The following IGSF5 variants were observed in gnomAD, a reference collection of about 807,000 sequenced individuals.
IGSF5 encodes the protein immunoglobulin superfamily 5 like.
In IGSF5, 41 loss-of-function variants were observed where a neutral mutation model predicts 39.4. That is an observed-to-expected ratio of 1.04 (90% CI 0.81 to 1.35). The LOEUF is 1.35. IGSF5 is among the 40% of genes most tolerant of loss of function. IGSF5 has a pLI of 0.00. For synonymous variants in IGSF5, 183 were observed against 175.3 expected (o/e 1.04, Z -0.34); for missense variants, 487 against 494.6 (o/e 0.98, Z 0.15).
chr21:39,718,031 T>G, the IGSF5 span, among the ~76,000 whole-genome samples: 8 of 152,156 alleles, frequency 5.3e-5, no homozygotes, highest in African/African-American at 1.4e-4. Context: ...AGTAATTCTT[T>G]TATAATTCTC....
chr21:39,722,414 A>G, the IGSF5 span: 4 of 152,152 alleles, frequency 2.6e-5, no homozygotes, highest in Admixed American at 1.3e-4. Context: ...ATATGAGCAG[A>G]AATATTATGG....
chr21:39,754,594 G>A (rs2146273228), intron 2 of IGSF5, among the ~76,000 whole-genome samples: 1 of 152,246 alleles, frequency 6.6e-6, no homozygotes, highest in South Asian at 2.1e-4. Context: ...CCTCTCGTCA[G>A]GACAGGGAGG....
chr21:39,717,135 G>A, the IGSF5 span, among the ~76,000 whole-genome samples: 4 of 151,936 alleles, frequency 2.6e-5, no homozygotes, highest in Admixed American at 6.6e-5. Flanking sequence ...CTTCTTGGAC[G>A]CATGTATGTC....
At chr21:39,749,066 T>C (rs1177312779) in intron 2 of IGSF5, among the ~76,000 whole-genome samples, 1 of 152,170 alleles carries the variant, frequency 6.6e-6, no homozygotes, top group Non-Finnish European at 1.5e-5. Flanking sequence ...GCCTTATGCA[T>C]ATGGGAGCCA....
chr21:39,715,062 GTTCT>G, the IGSF5 span, among the ~76,000 whole-genome samples: 9 of 148,608 alleles, frequency 6.1e-5, no homozygotes, highest in East Asian at 3.9e-4. Flanking sequence ...TCTTTCTTTC[GTTCT>G]TTCTTTCTTT....
the IGSF5 span, among the ~76,000 whole-genome samples, chr21:39,721,842 C>T: frequency 6.6e-6 from 1 of 152,126 alleles, no homozygotes; most frequent in Admixed American, 6.6e-5. Flanking sequence ...ACACTGTTCT[C>T]CTGTACTATA....
At chr21:39,787,853 C>A (rs939054057) in intron 5 of IGSF5, among the ~76,000 whole-genome samples, 2 of 152,096 alleles carry the variant, frequency 1.3e-5, no homozygotes, top group African/African-American at 4.8e-5. Flanking sequence ...TCTGTATAGT[C>A]TCACTCATCA....
At chr21:39,773,364 A>C (rs2080124209) in intron 4 of IGSF5, among the ~76,000 whole-genome samples, 1 of 152,152 alleles carries the variant, frequency 6.6e-6, no homozygotes, top group Non-Finnish European at 1.5e-5. Context: ...TGCCTGAATC[A>C]ATTACTTCTA....
At chr21:39,788,697 C>A (rs1474374971) in intron 6 of IGSF5, among the ~76,000 whole-genome samples, 1 of 152,174 alleles carries the variant, frequency 6.6e-6, no homozygotes, top group Non-Finnish European at 1.5e-5. Context: ...TCCTTTCATT[C>A]CCAGGCTGCC....
At chr21:39,784,919 G>C (rs943645979) in intron 5 of IGSF5, among the ~76,000 whole-genome samples, 1 of 151,770 alleles carries the variant, frequency 6.6e-6, no homozygotes, top group Non-Finnish European at 1.5e-5. Flanking sequence ...TGCTCAGCCT[G>C]GCCTGGGGGC....
intron 8 of IGSF5, among the ~76,000 whole-genome samples, chr21:39,796,330 T>TAGCCCTGC (rs1288140995): frequency 6.6e-6 from 1 of 152,300 alleles, no homozygotes; most frequent in South Asian, 2.1e-4. Flanking sequence ...CCAGGCCCCG[T>TAGCCCTGC]AGCCCTGCAG....
intron 2 of IGSF5, among the ~76,000 whole-genome samples, chr21:39,747,426 C>A (rs2079980716): frequency 9.0e-6 from 1 of 111,382 alleles, no homozygotes; most frequent in Non-Finnish European, 1.9e-5. Context: ...CAAACCATAT[C>A]ACCTGGCCAC....
Position 39,765,805 on chromosome 21 carries a change from G to T in IGSF5, c.371G>T (p.Ser124Ile). The T allele has an allele frequency of 1.2e-6, 2 of 1,614,092 alleles. No homozygotes were observed. The highest frequency in any genetic ancestry group is 1.1e-5 in the South Asian group (1 of 91,064). Residue 124 changes from serine (S) to isoleucine (I), a missense_variant, in exon 3 of 9, where the codon AGC becomes ATC. Physicochemically the swap from Ser to Ile is moderately radical, Grantham distance 142. Coordinates refer to ENST00000380588, the MANE Select transcript of IGSF5 (RefSeq NM_001080444.2). ...AGTGATTCGGGGAACATCAGATGCA[G>T]CCTCCAGAACAGTCGCCTGCATGGA... ...EPSDSGNIRC[S>I]LQNSRLHGSA...
chr21:39,789,967 G>A (rs1229666334), intron 6 of IGSF5, among the ~76,000 whole-genome samples: 1 of 152,172 alleles, frequency 6.6e-6, no homozygotes, highest in Non-Finnish European at 1.5e-5. Context: ...ACAGAAAAGT[G>A]CACACGTTAC....
At chr21:39,783,868 CTTTAAG>C (rs1428755993) in intron 5 of IGSF5, among the ~76,000 whole-genome samples, 1 of 152,076 alleles carries the variant, frequency 6.6e-6, no homozygotes, top group East Asian at 1.9e-4. Flanking sequence ...ATATTTAATT[CTTTAAG>C]TTTGAGTTTA....
At chr21:39,781,998 T>G (rs2080173131) in intron 5 of IGSF5, among the ~76,000 whole-genome samples, 1 of 151,542 alleles carries the variant, frequency 6.6e-6, no homozygotes, top group Non-Finnish European at 1.5e-5. Context: ...CTAGGTTTTA[T>G]TCATTCTTCT....
the IGSF5 span, among the ~76,000 whole-genome samples, chr21:39,716,371 G>C: frequency 6.6e-6 from 1 of 151,914 alleles, no homozygotes; most frequent in Non-Finnish European, 1.5e-5. Flanking sequence ...TTAGGTTTGG[G>C]GGTACATGTG....
Position 39,771,023 on chromosome 21 carries a change from T to C in IGSF5, c.526T>C (p.Trp176Arg). 2.5e-6 allele frequency: 4 copies of C among 1,613,766 alleles called. No individual in the cohort carries two copies. The highest frequency in any genetic ancestry group is 1.3e-5 in the African/African-American group (1 of 75,008). Residue 176 changes from tryptophan to arginine, a missense_variant, in exon 4 of 9, where the codon TGG becomes CGG. Transcript: ENST00000380588. ...SHWTRLPDIS[W>R]ELGLLVSHSS... ...CTGGACCCGGCTCCCGGATATTTCC[T>C]GGGAGCTCGGTCTCCTGGTCAGCCA... is the stretch of plus-strand genomic sequence containing the variant.
the IGSF5 span, among the ~76,000 whole-genome samples, chr21:39,734,439 TACACACACA>T: frequency 2.5e-5 from 3 of 120,288 alleles, no homozygotes; most frequent in Non-Finnish European, 1.6e-5. Context: ...AAAAAAAAAA[TACACACACA>T]CACACACACA....
Sources: allele counts gnomAD v4.1 joint callset (sites outside exome capture counted in the v4.1 genomes callset), GRCh38; gene constraint gnomAD v4.1.1; transcripts MANE v1.5; gene names NCBI Gene and HGNC (gene_info 2026-07-23, HGNC 2026-07-21).